The following SPATS2L variants were observed in gnomAD, a reference collection of about 807,000 sequenced individuals.
SPATS2L encodes the protein spermatogenesis associated serine rich 2 like, also known as SPATS2-like protein.
SPATS2L carries 30 observed loss-of-function variants against 59.6 expected under a neutral mutation model. The observed-to-expected ratio is 0.50, with a 90% confidence interval of 0.38 to 0.68. The LOEUF (loss-of-function observed/expected upper bound fraction) is 0.68. Ranked by LOEUF, SPATS2L falls within the 30% of genes least tolerant of loss-of-function variation. The probability of loss-of-function intolerance (pLI) is 0.00; values close to 1 mark genes in which losing one functional copy is unlikely to be tolerated. For synonymous variants in SPATS2L, 252 were observed against 263.5 expected (o/e 0.96, Z 0.42); for missense variants, 615 against 700.0 (o/e 0.88, Z 1.37).
Position 200,472,946 on chromosome 2 carries a change from C to G in SPATS2L, c.1175C>G (p.Ser392Cys). The change falls in exon 12 of 13, where the codon TCC becomes TGC. Residue 392 changes from serine (S) to cysteine (C), a missense_variant. Transcript: ENST00000409140. ...GKQSNFSRKS[S>C]THNKPSEGKA... is the part of the protein sequence containing the mutation. ...CAGAGTAACTTTTCCCGAAAATCAT[C>G]CACTCACAATAAGCCCTCTGAAGGC... The G allele has an allele frequency of 6.2e-7, 1 of 1,613,930 alleles. No individual in the cohort carries two copies. The highest frequency in any genetic ancestry group is 1.1e-5 in the South Asian group (1 of 91,074).
intron 2 of SPATS2L, among the ~76,000 whole-genome samples, chr2:200,345,742 AT>A (rs373546283): frequency 1.3e-5 from 2 of 152,216 alleles, no homozygotes; most frequent in African/African-American, 4.8e-5. Flanking sequence ...CTGTAATATT[AT>A]CCTTGATCTT....
chr2:200,416,729 T>G (rs916525856), intron 5 of SPATS2L, among the ~76,000 whole-genome samples: 5 of 152,112 alleles, frequency 3.3e-5, no homozygotes, highest in African/African-American at 1.2e-4. Context: ...ATTCAAAACA[T>G]TAACTTGCCT....
chr2:200,416,356 G>T, intron 4 of SPATS2L, 23 bp from the exon 5 acceptor site: 2 of 1,346,722 alleles, frequency 1.5e-6, no homozygotes, highest in Non-Finnish European at 1.0e-6. Flanking sequence ...AATATTTGTT[G>T]AAGATTCTTT....
chr2:200,474,224 G>A (rs560468321), intron 12 of SPATS2L, among the ~76,000 whole-genome samples: 24 of 152,044 alleles, frequency 1.6e-4, no homozygotes, highest in African/African-American at 5.8e-4. Context: ...CTCAGGCCCT[G>A]AAGTCTTCAT....
intron 5 of SPATS2L, among the ~76,000 whole-genome samples, chr2:200,417,332 AGAGTAG>A (rs2083107808): frequency 6.6e-6 from 1 of 152,014 alleles, no homozygotes; most frequent in Non-Finnish European, 1.5e-5. Flanking sequence ...AGTTTCATGT[AGAGTAG>A]GAAAATTATG....
Position 200,443,161 on chromosome 2 carries a change from T to G in SPATS2L, c.788+2377T>G, listed in dbSNP as rs201358748. Among the ~76,000 whole-genome samples the G allele has an allele frequency of 4.6e-5, 7 of 152,322 alleles. No homozygotes were observed. The East Asian group carries it at 1.4e-3, about 29-fold the overall frequency. ...GCCTGCCAAACAGAAAAACCTTGCC[T>G]CTGTTCCAAATGAGCTTGCAGCCCA... On this transcript the variant is annotated intron_variant, in intron 8 of 12. Coordinates refer to ENST00000409140, the MANE Select transcript of SPATS2L (RefSeq NM_001100423.2).
At chr2:200,473,082 GGA>G in intron 12 of SPATS2L, 30 bp downstream of exon 12, 1 of 1,421,242 alleles carries the variant, frequency 7.0e-7, no homozygotes, top group Non-Finnish European at 9.4e-7. Flanking sequence ...GGGTGCCAGA[GGA>G]AAAAAAAAAA....
At chr2:200,308,590 A>T (rs2105736989) in intron 1 of SPATS2L, among the ~76,000 whole-genome samples, 1 of 152,280 alleles carries the variant, frequency 6.6e-6, no homozygotes, top group Admixed American at 6.5e-5. Flanking sequence ...TGTGGCAGAA[A>T]ACATGTCAAA....
chr2:200,473,422 G>A (rs529988695), intron 12 of SPATS2L, among the ~76,000 whole-genome samples: 23 of 152,258 alleles, frequency 1.5e-4, no homozygotes, highest in Middle Eastern at 3.4e-3. Context: ...AACAAGACTC[G>A]GAACCTACTA....
chr2:200,389,589 G>C, intron 3 of SPATS2L: 1 of 275,806 alleles, frequency 3.6e-6, no homozygotes, highest in South Asian at 5.7e-5. Context: ...CTAAGTTAAC[G>C]TAGCTGGTAA....
At chr2:200,306,308 T>A, upstream of SPATS2L, 1 of 1,002,372 alleles carries the variant, frequency 1.0e-6, no homozygotes, top group Non-Finnish European at 1.2e-6. Flanking sequence ...AGAAGATGAT[T>A]CTCTTGCAAC....
chr2:200,396,033 A>ATATAAATATATATATAT (rs1172186726), intron 3 of SPATS2L, among the ~76,000 whole-genome samples: 2 of 21,146 alleles, frequency 9.5e-5, no homozygotes, highest in African/African-American at 2.9e-4. Flanking sequence ...AAAAAAAAAA[A>ATATAAATATATATATAT]ATATATATAT....
chr2:200,457,342 G>A (rs1338259855), intron 8 of SPATS2L, among the ~76,000 whole-genome samples: 1 of 151,918 alleles, frequency 6.6e-6, no homozygotes, highest in African/African-American at 2.4e-5. Context: ...GACTCAACCC[G>A]GCATTTCATA....
At chr2:200,385,011 T>C (rs1374086037) in intron 2 of SPATS2L, among the ~76,000 whole-genome samples, 1 of 152,204 alleles carries the variant, frequency 6.6e-6, no homozygotes, top group Non-Finnish European at 1.5e-5. Context: ...ATTGGTCTGT[T>C]CCAATAACAA....
intron 2 of SPATS2L, among the ~76,000 whole-genome samples, chr2:200,383,317 T>C (rs1367462301): frequency 6.6e-6 from 1 of 152,238 alleles, no homozygotes; most frequent in Non-Finnish European, 1.5e-5. Context: ...ATTTTAATAC[T>C]GTATTTTATT....
At chr2:200,438,695 A>G (rs745637860) in intron 6 of SPATS2L, among the ~76,000 whole-genome samples, 1 of 152,176 alleles carries the variant, frequency 6.6e-6, no homozygotes, top group Non-Finnish European at 1.5e-5. Flanking sequence ...CAAGACATTA[A>G]TGTAGCACTT....
intron 8 of SPATS2L, among the ~76,000 whole-genome samples, chr2:200,449,551 A>G (rs17447598): frequency 0.27 from 41,276 of 152,178 alleles, 6,234 homozygotes; most frequent in South Asian, 0.39. Context: ...AAGCTTACCA[A>G]TCAACCAGCC....
chr2:200,422,551 AAGGG>A (rs1264087463), intron 6 of SPATS2L, among the ~76,000 whole-genome samples: 11 of 151,148 alleles, frequency 7.3e-5, no homozygotes, highest in Middle Eastern at 3.4e-3. Context: ...AAAAAAAAAA[AAGGG>A]GGAGGAAGAA....
intron 10 of SPATS2L, among the ~76,000 whole-genome samples, chr2:200,468,590 C>T (rs1320740892): frequency 1.3e-5 from 2 of 152,190 alleles, no homozygotes; most frequent in Non-Finnish European, 2.9e-5. Context: ...CTGAGGGCGT[C>T]AGTGGCCTTT....
Sources: allele counts gnomAD v4.1 joint callset (sites outside exome capture counted in the v4.1 genomes callset), GRCh38; gene constraint gnomAD v4.1.1; transcripts MANE v1.5; gene names NCBI Gene and HGNC (gene_info 2026-07-23, HGNC 2026-07-21).